Variants in TMC1 observed in about 807,000 individuals in gnomAD.
TMC1 encodes transmembrane channel like 1.
TMC1 carries 84 observed loss-of-function variants against 105.8 expected under a neutral mutation model. That is an observed-to-expected ratio of 0.79 (90% CI 0.67 to 0.95). TMC1 has a LOEUF of 0.95. Ranked by LOEUF, TMC1 falls within the 40% of genes least tolerant of loss-of-function variation. TMC1 has a pLI of 0.00. For synonymous variants in TMC1, 315 were observed against 311.5 expected (o/e 1.01, Z -0.12); for missense variants, 817 against 914.1 (o/e 0.89, Z 1.37).
rs533348454 is a variant in TMC1, at chr9:72,791,740, T to C, written c.1225-146T>C. 2.6e-5 allele frequency: 19 copies of C among 739,200 alleles called. 1 individual carries two copies. Among genetic ancestry groups the C allele is most frequent in the South Asian group, 2.4e-4 (16 of 65,436 alleles). 45.8% of individuals were successfully genotyped at this position (739,200 alleles called of 1,614,324 possible). ...TATTTTCCCTGTCATTTTATTGAGA[T>C]CAAATTCTAAACGTGCATAAAATAG... On this transcript the variant is annotated intron_variant, in intron 15 of 23. Transcript: ENST00000297784.
chr9:72,585,814 A>T (rs1051599448), intron 2 of TMC1, among the ~76,000 whole-genome samples: 2 of 152,114 alleles, frequency 1.3e-5, no homozygotes, highest in African/African-American at 4.8e-5. Flanking sequence ...TGTGTTGTGT[A>T]GGAATGGAGA....
At chr9:72,544,497 G>C (rs113470198) in intron 1 of TMC1, among the ~76,000 whole-genome samples, 1 of 32,832 alleles carries the variant, frequency 3.0e-5, no homozygotes, top group African/African-American at 1.3e-4. Flanking sequence ...TTTTTTTTTT[G>C]TGAGAAAGTC....
At chr9:72,651,069 A>C (rs908141369) in intron 5 of TMC1, 25 of 147,186 alleles carry the variant, frequency 1.7e-4, no homozygotes, top group Non-Finnish European at 1.0e-4. Context: ...TTATATATAT[A>C]TATCTATATA....
intron 1 of TMC1, among the ~76,000 whole-genome samples, chr9:72,568,482 T>C (rs965387940): frequency 3.9e-5 from 6 of 152,184 alleles, no homozygotes; most frequent in Non-Finnish European, 8.8e-5. Context: ...AACAACTCTT[T>C]ATGGGGACTT....
chr9:72,792,071 C>T lies in TMC1; in HGVS notation c.1404+6C>T, dbSNP rs1828280462. Reference sequence around the variant, plus strand: ...TGGATGAGATTAACAACAAGGTAAGCCTTGTTTCTGGATTGTCCTTGCCAT... The same window carrying T: ...TGGATGAGATTAACAACAAGGTAAGTCTTGTTTCTGGATTGTCCTTGCCAT... On this transcript the variant is annotated splice_donor_region_variant and intron_variant, in intron 16 of 23. Transcript: ENST00000297784. The T allele has an allele frequency of 6.2e-7, 1 of 1,613,980 alleles. No homozygotes were observed. The highest frequency in any genetic ancestry group is 1.3e-5 in the African/African-American group (1 of 75,002).
At chr9:72,618,175 C>T (rs1006589038) in intron 3 of TMC1, among the ~76,000 whole-genome samples, 3 of 151,430 alleles carry the variant, frequency 2.0e-5, no homozygotes, top group Admixed American at 2.0e-4. Flanking sequence ...ATTACAGGTG[C>T]CCACCACCAC....
At chr9:72,832,063 C>T (rs1213907519) in intron 23 of TMC1, among the ~76,000 whole-genome samples, 1 of 151,954 alleles carries the variant, frequency 6.6e-6, no homozygotes, top group Non-Finnish European at 1.5e-5. Context: ...TGAAGTGATC[C>T]TTCCTCCTCA....
rs374313036 is a variant in TMC1, at chr9:72,789,273, G to T, written c.1180G>T (p.Ala394Ser). 1.8e-5 allele frequency: 29 copies of T among 1,613,910 alleles called. No individual in the cohort carries two copies. Among genetic ancestry groups the T allele is most frequent in the Non-Finnish European group, 2.2e-5 (26 of 1,179,940 alleles). Reference protein sequence around the residue: ...FWAVKRSQEFAQQDPDTLGWW... With the variant: ...FWAVKRSQEFSQQDPDTLGWW... ...GGCTGTGAAGCGATCCCAGGAATTT[G>T]CACAGCAAGATCCTGACACCCTTGG... is the stretch of plus-strand genomic sequence containing the variant. Residue 394 changes from alanine (A) to serine (S), a missense_variant, in exon 15 of 24, where the codon GCA becomes TCA. Ala to Ser is a moderately conservative substitution (Grantham distance 99). Transcript: ENST00000297784.
intron 1 of TMC1, among the ~76,000 whole-genome samples, chr9:72,570,460 G>C (rs1824258117): frequency 6.6e-6 from 1 of 151,660 alleles, no homozygotes; most frequent in African/African-American, 2.4e-5. Flanking sequence ...TGAACAGTTT[G>C]GTCTACAGAA....
chr9:72,654,087 T>C (rs1441685934), intron 5 of TMC1, among the ~76,000 whole-genome samples: 4 of 152,218 alleles, frequency 2.6e-5, no homozygotes, highest in Non-Finnish European at 4.4e-5. Flanking sequence ...ATAAAGCTGA[T>C]GTGAACATTT....
chr9:72,652,241 G>T (rs1036766357), intron 5 of TMC1, among the ~76,000 whole-genome samples: 2 of 152,146 alleles, frequency 1.3e-5, no homozygotes, highest in African/African-American at 2.4e-5. Context: ...AAACAGGAAG[G>T]CAGCAGAAAG....
At chr9:72,806,331 C>T (rs865926313) in intron 18 of TMC1, among the ~76,000 whole-genome samples, 10,473 of 141,128 alleles carry the variant, frequency 0.074, 453 homozygotes, top group Non-Finnish European at 0.11. Flanking sequence ...CTGGACGGGG[C>T]GGCTGGCCGG....
intron 8 of TMC1, among the ~76,000 whole-genome samples, chr9:72,710,343 T>C (rs1826815263): frequency 6.6e-6 from 1 of 152,214 alleles, no homozygotes. Flanking sequence ...GAATATTCTG[T>C]AAATATCTGT....
chr9:72,619,734 G>T (rs917582290), intron 3 of TMC1, among the ~76,000 whole-genome samples: 1 of 151,586 alleles, frequency 6.6e-6, no homozygotes, highest in Non-Finnish European at 1.5e-5. Context: ...TATTTTTTAG[G>T]TTATAGACAA....
At chr9:72,533,387 C>A (rs1448206657) in intron 1 of TMC1, among the ~76,000 whole-genome samples, 1 of 152,168 alleles carries the variant, frequency 6.6e-6, no homozygotes, top group Non-Finnish European at 1.5e-5. Flanking sequence ...AGGGTATGAC[C>A]CAGCAATCCA....
At chr9:72,798,276 A>G (rs749396905) in intron 17 of TMC1, among the ~76,000 whole-genome samples, 3 of 152,194 alleles carry the variant, frequency 2.0e-5, no homozygotes, top group Non-Finnish European at 4.4e-5. Context: ...GGGAATGTAA[A>G]ATAGTTCAAC....
intron 10 of TMC1, among the ~76,000 whole-genome samples, chr9:72,743,139 G>A: frequency 6.6e-6 from 1 of 151,696 alleles, no homozygotes. Flanking sequence ...AGGCCGAGGC[G>A]GGCGGATCAC....
chr9:72,762,131 C>T (rs1418765665), intron 12 of TMC1, among the ~76,000 whole-genome samples: 1 of 152,152 alleles, frequency 6.6e-6, no homozygotes, highest in Admixed American at 6.5e-5. Flanking sequence ...GGAAGAGTCT[C>T]AGATTGTACT....
chr9:72,727,348 A>G (rs139271525), intron 8 of TMC1, among the ~76,000 whole-genome samples: 8 of 152,204 alleles, frequency 5.3e-5, no homozygotes, highest in Admixed American at 2.6e-4. Context: ...AGGAATTCAT[A>G]TATTTCCTTG....
Sources: allele counts gnomAD v4.1 joint callset (sites outside exome capture counted in the v4.1 genomes callset), GRCh38; gene constraint gnomAD v4.1.1; transcripts MANE v1.5; gene names NCBI Gene and HGNC (gene_info 2026-07-23, HGNC 2026-07-21).